Variants in DCBLD1 observed in about 807,000 individuals in gnomAD.
The protein encoded by DCBLD1 is discoidin, CUB and LCCL domain containing 1.
Under a neutral mutation model 71.5 loss-of-function variants are expected in DCBLD1, and 57 were observed. The ratio of observed to expected loss-of-function variants is 0.80; its 90% confidence interval spans 0.64 to 0.99. The LOEUF is 0.99. Among genes scored for constraint, DCBLD1 ranks in the 50% least tolerant of loss-of-function variants. The pLI, the probability that DCBLD1 is intolerant of heterozygous loss-of-function variation, is 0.00. For synonymous variants in DCBLD1, 380 were observed against 363.8 expected (o/e 1.04, Z -0.51); for missense variants, 891 against 923.5 (o/e 0.96, Z 0.46).
rs976406975 is a variant in DCBLD1 at position 117,563,102 on chromosome 6, T to C, written c.1616-6518T>C. The C allele has an allele frequency of 2.6e-5, 17 of 652,518 alleles. No homozygotes were observed. The Middle Eastern group carries it at 1.3e-3, about 50-fold the overall frequency. The allele number at this position is 652,518 out of a possible 1,614,324, so 40.4% of individuals were successfully genotyped here. On this transcript the variant is annotated intron_variant, in intron 14 of 14. Transcript: ENST00000296955. ...CACAGAAAACAGGGTGTTTTATGCA[T>C]TGAGAATTGTTCACATGAAGCCCTG...
At chr6:117,529,773 A>G (rs897661866) in intron 5 of DCBLD1, among the ~76,000 whole-genome samples, 3 of 152,214 alleles carry the variant, frequency 2.0e-5, no homozygotes, top group African/African-American at 2.4e-5. Flanking sequence ...GATGTATCCT[A>G]TAGCCTACAA....
At position 117,486,998 on chromosome 6, in the gene DCBLD1, T is replaced by C. The variant is rs1777110354; in HGVS notation, c.112+4105T>C. Among the ~76,000 whole-genome samples the C allele has an allele frequency of 2.0e-5, 3 of 152,168 alleles. 1 individual carries two copies. The South Asian group carries it at 6.2e-4, about 32-fold the overall frequency. ...TGCCACGCTCCTTATGAGAATCTAA[T>C]GCCTGATGATCTGAGGTGCAGCAGT... On this transcript the variant is annotated intron_variant, in intron 1 of 14. Coordinates refer to ENST00000338728, the MANE Select transcript of DCBLD1 (RefSeq NM_001366458.2).
At chr6:117,530,427 A>G (rs926465583) in intron 5 of DCBLD1, among the ~76,000 whole-genome samples, 1 of 152,162 alleles carries the variant, frequency 6.6e-6, no homozygotes, top group African/African-American at 2.4e-5. Context: ...CCCTGTGAGA[A>G]TCTAATGCCT....
chr6:117,544,439 A>C, intron 12 of DCBLD1, 89 bp from the exon 13 acceptor site: 36 of 1,241,958 alleles, frequency 2.9e-5, no homozygotes, highest in Non-Finnish European at 3.7e-5. Context: ...CCTATGAGGT[A>C]AGTACTATTA....
chr6:117,548,087 A>G lies in DCBLD1; in HGVS notation c.1796A>G (p.Glu599Gly). The change falls in exon 15 of 15, where the codon GAG becomes GGG. Residue 599 changes from glutamate (E) to glycine (G), a missense_variant. Coordinates refer to ENST00000338728, the MANE Select transcript of DCBLD1 (RefSeq NM_001366458.2). ...CTGCCCCTGGCGCCCCCGGAGCCCGAGTACGCCACGCCCATCGTGGAGCGG... is the reference window on the plus strand; with the variant it reads ...CTGCCCCTGGCGCCCCCGGAGCCCGGGTACGCCACGCCCATCGTGGAGCGG... ...YALPLAPPEP[E>G]YATPIVERHV... The G allele has an allele frequency of 6.5e-7, 1 of 1,549,182 alleles. No individual in the cohort carries two copies. The highest frequency in any genetic ancestry group is 8.7e-7 in the Non-Finnish European group (1 of 1,146,210).
intron 1 of DCBLD1, among the ~76,000 whole-genome samples, chr6:117,488,419 AGATCACTT>A (rs1475378477): frequency 1.3e-5 from 2 of 152,150 alleles, no homozygotes; most frequent in Admixed American, 1.3e-4. Flanking sequence ...TGAGGTGGAC[AGATCACTT>A]GAGTCCAGGA....
chr6:117,554,089 C>T (rs1051006343), downstream of DCBLD1, among the ~76,000 whole-genome samples: 31 of 152,146 alleles, frequency 2.0e-4, no homozygotes, highest in African/African-American at 7.2e-4. Context: ...CCTTCCTGTT[C>T]GATTTCTGTG....
chr6:117,541,952 G>A (rs1779110239), intron 11 of DCBLD1, among the ~76,000 whole-genome samples: 1 of 152,094 alleles, frequency 6.6e-6, no homozygotes, highest in Non-Finnish European at 1.5e-5. Flanking sequence ...TTCCCCTGCT[G>A]TTGGATGCTT....
chr6:117,525,531 A>G, intron 5 of DCBLD1, 97 bp downstream of exon 5: 1 of 875,094 alleles, frequency 1.1e-6, no homozygotes, highest in Non-Finnish European at 1.6e-6. Flanking sequence ...TGAGATATAA[A>G]ACTCTAGATA....
At chr6:117,551,596 G>A (rs902596711), downstream of DCBLD1, among the ~76,000 whole-genome samples, 2 of 152,046 alleles carry the variant, frequency 1.3e-5, no homozygotes, top group Non-Finnish European at 2.9e-5. Context: ...AGCCAGGATC[G>A]TCTGGATCTC....
At chr6:117,509,194 G>A (rs1464644097) in intron 2 of DCBLD1, among the ~76,000 whole-genome samples, 1 of 152,178 alleles carries the variant, frequency 6.6e-6, no homozygotes, top group Non-Finnish European at 1.5e-5. Flanking sequence ...CAGTTTGCGA[G>A]GCTGAGGTGG....
intron 2 of DCBLD1, among the ~76,000 whole-genome samples, chr6:117,513,812 T>G (rs1188874653): frequency 1.3e-5 from 2 of 152,178 alleles, no homozygotes; most frequent in Non-Finnish European, 2.9e-5. Context: ...ACAATCAAAG[T>G]TAGAAGTCAC....
downstream of DCBLD1, among the ~76,000 whole-genome samples, chr6:117,551,466 G>A (rs1433186145): frequency 3.3e-5 from 5 of 151,872 alleles, no homozygotes; most frequent in South Asian, 2.1e-4. Flanking sequence ...TGCAAACTCC[G>A]CCTCCCAGGT....
At chr6:117,503,189 C>T (rs765038540) in intron 1 of DCBLD1, among the ~76,000 whole-genome samples, 1 of 152,148 alleles carries the variant, frequency 6.6e-6, no homozygotes, top group Non-Finnish European at 1.5e-5. Flanking sequence ...TCTGATTGTA[C>T]ATCCCAAGTC....
At chr6:117,553,462 T>C (rs1779456788), downstream of DCBLD1, among the ~76,000 whole-genome samples, 1 of 152,130 alleles carries the variant, frequency 6.6e-6, no homozygotes. Context: ...TCTTCTTCCT[T>C]TCATTGGAGG....
chr6:117,508,597 T>C (rs2114445411), intron 2 of DCBLD1, among the ~76,000 whole-genome samples: 1 of 152,358 alleles, frequency 6.6e-6, no homozygotes, highest in Admixed American at 6.5e-5. Flanking sequence ...GTAAATTCCA[T>C]TTCCAGTCTT....
At position 117,548,904 on chromosome 6, in the gene DCBLD1, A is replaced by C; in HGVS notation, c.*465A>C. ...GTATATTATCTGATACTGTGTTAGC[A>C]GCAGGTCTGCTTAAACCTAGTCTTG... On this transcript the variant is annotated 3_prime_UTR_variant, in exon 15 of 15. Transcript: ENST00000338728. 6 of 998,390 alleles carry C rather than the reference A, an allele frequency of 6.0e-6. No homozygotes were observed. Among genetic ancestry groups the C allele is most frequent in the Non-Finnish European group, 7.2e-6 (6 of 837,424 alleles). The allele number at this position is 998,390 out of a possible 1,614,324, so 61.8% of individuals were successfully genotyped here. A position where few individuals can be genotyped will look rare whatever the true frequency, so the allele number is the denominator to read the frequency against.
chr6:117,518,385 T>C (rs1457201620), intron 2 of DCBLD1, among the ~76,000 whole-genome samples: 1 of 152,226 alleles, frequency 6.6e-6, no homozygotes, highest in Non-Finnish European at 1.5e-5. Context: ...TTCCAAACTT[T>C]CCCACATTTT....
intron 8 of DCBLD1, 80 bp downstream of exon 8, chr6:117,538,915 G>A: frequency 2.2e-6 from 3 of 1,379,698 alleles, no homozygotes; most frequent in Non-Finnish European, 3.0e-6. Flanking sequence ...TACGCTTATT[G>A]TTTACATAGG....
Sources: allele counts gnomAD v4.1 joint callset (sites outside exome capture counted in the v4.1 genomes callset), GRCh38; gene constraint gnomAD v4.1.1; transcripts MANE v1.5; gene names NCBI Gene and HGNC (gene_info 2026-07-23, HGNC 2026-07-21).